The following UEVLD variants were observed in gnomAD, a reference collection of about 807,000 sequenced individuals.
The protein encoded by UEVLD is UEV and lactate/malate dehyrogenase domains, also known as ubiquitin-conjugating enzyme E2 variant 3.
In UEVLD, 47 loss-of-function variants were observed where a neutral mutation model predicts 58.6. That is an observed-to-expected ratio of 0.80 (90% CI 0.63 to 1.02). The LOEUF (loss-of-function observed/expected upper bound fraction) is 1.02. UEVLD is among the 50% of genes least tolerant of loss of function. The probability of loss-of-function intolerance (pLI) is 0.00; values close to 1 mark genes in which losing one functional copy is unlikely to be tolerated. For missense variants in UEVLD, 510 were observed against 550.6 expected, an observed-to-expected ratio of 0.93 and a Z score of 0.74; for synonymous variants, 197 against 195.3, an observed-to-expected ratio of 1.01 and a Z score of -0.07.
Position 18,532,427 on chromosome 11 carries a change from C to T in UEVLD, c.1309G>A (p.Gly437Arg), listed in dbSNP as rs952172110. 4.3e-6 allele frequency: 7 copies of T among 1,613,070 alleles called. No individual in the cohort carries two copies. Among genetic ancestry groups the T allele is most frequent in the Non-Finnish European group, 5.9e-6 (7 of 1,179,592 alleles). ...GTGGTTTTGATAACTTCAGATACTC[C>T]ATTGGTTCCAAGGATGCAAGGCAAA... ...LSLPCILGTN[G>R]VSEVIKTTLK... The change falls in exon 12 of 12, where the codon GGA (glycine) becomes AGA (arginine). Residue 437 changes from glycine to arginine, a missense_variant. Coordinates refer to ENST00000396197, the MANE Select transcript of UEVLD (RefSeq NM_001040697.4).
At position 18,534,371 on chromosome 11, in the gene UEVLD, TTACAA is replaced by T. The variant is rs1191667745; in HGVS notation, c.1202_1206del (p.Ile401LysfsTer3). 1 of 1,570,052 alleles carries T rather than the reference TTACAA, an allele frequency of 6.4e-7. No individual in the cohort carries two copies. Among genetic ancestry groups the T allele is most frequent in the South Asian group, 1.2e-5 (1 of 81,250 alleles). Reference sequence around the variant, plus strand: ...ACAGAATGCACTTTCTTCTTATTGTTTACAATACTGTCAACCATGTCAGCTACTGA... The same window carrying T: ...ACAGAATGCACTTTCTTCTTATTGTTTACTGTCAACCATGTCAGCTACTGA... On this transcript the variant is annotated frameshift_variant, in exon 11 of 12. Coordinates refer to ENST00000396197, the MANE Select transcript of UEVLD (RefSeq NM_001040697.4). LOFTEE classifies it high-confidence loss of function.
chr11:18,570,457 A>C, intron 3 of UEVLD, 80 bp from the exon 4 acceptor site: 1 of 1,321,768 alleles, frequency 7.6e-7, no homozygotes, highest in Admixed American at 3.3e-5. Flanking sequence ...CATTTTAAGA[A>C]ATGAGTAGGC....
intron 10 of UEVLD, among the ~76,000 whole-genome samples, chr11:18,536,073 G>T (rs929876430): frequency 2.0e-5 from 3 of 152,226 alleles, no homozygotes; most frequent in Non-Finnish European, 4.4e-5. Flanking sequence ...GGCGGAGGCT[G>T]CAGTGAGCCG....
chr11:18,585,171 G>A (rs1424337252), intron 1 of UEVLD, among the ~76,000 whole-genome samples: 3 of 152,140 alleles, frequency 2.0e-5, no homozygotes, highest in Non-Finnish European at 4.4e-5. Context: ...GATTACAGGT[G>A]TGAGCCACCA....
At chr11:18,566,514 A>G (rs763875774) in intron 4 of UEVLD, 32 bp from the exon 5 acceptor site, 1 of 1,605,828 alleles carries the variant, frequency 6.2e-7, no homozygotes, top group African/African-American at 1.3e-5. Flanking sequence ...GAAAAGTTAC[A>G]CAAAAATTTT....
At chr11:18,554,160 C>T (rs1359688374) in intron 7 of UEVLD, among the ~76,000 whole-genome samples, 2 of 152,060 alleles carry the variant, frequency 1.3e-5, no homozygotes, top group African/African-American at 2.4e-5. Flanking sequence ...GGCACGATCT[C>T]GGCTCAATGC....
chr11:18,530,142 T>C lies in UEVLD; in HGVS notation c.*2178A>G, dbSNP rs576947112. The C allele has an allele frequency of 9.8e-5, 15 of 152,356 alleles. No homozygotes were observed. Among genetic ancestry groups the C allele is most frequent in the African/African-American group, 3.4e-4 (14 of 41,576 alleles). 9.4% of individuals were successfully genotyped at this position (152,356 alleles called of 1,614,324 possible). A position where few individuals can be genotyped will look rare whatever the true frequency, so the allele number is the denominator to read the frequency against. ...TACATATTATCTAACTTTAATTAGA[T>C]ATCAAATATTAGAAAAGGCTAGTTT... On this transcript the variant is annotated 3_prime_UTR_variant, in exon 12 of 12. Transcript: ENST00000396197.
chr11:18,570,538 G>C (rs1220216773), intron 3 of UEVLD, 161 bp from the exon 4 acceptor site: 2 of 568,842 alleles, frequency 3.5e-6, no homozygotes. Context: ...ATGAGCCCAG[G>C]AGTTTCAGAC....
intron 8 of UEVLD, among the ~76,000 whole-genome samples, chr11:18,545,067 T>C: frequency 2.5e-5 from 1 of 40,178 alleles, no homozygotes; most frequent in African/African-American, 9.3e-5. Flanking sequence ...TCTATATCTA[T>C]ATCTATATTT....
At chr11:18,575,306 CTT>C in intron 3 of UEVLD, 39 bp downstream of exon 3, 1 of 1,571,736 alleles carries the variant, frequency 6.4e-7, no homozygotes, top group African/African-American at 1.4e-5. Context: ...ATGAACTGCT[CTT>C]TTAGAAAACT....
chr11:18,551,359 G>A (rs942840049), intron 7 of UEVLD, among the ~76,000 whole-genome samples: 2 of 136,214 alleles, frequency 1.5e-5, no homozygotes, highest in East Asian at 4.9e-4. Context: ...GGAGGAGGAG[G>A]TTGTAGTGAG....
At position 18,578,744 on chromosome 11, in the gene UEVLD, T is replaced by G; in HGVS notation, c.107A>C (p.Lys36Thr). ...RNVNVFFPHF[K>T]YSMDTYVFKD... Reference sequence around the variant, plus strand: ...CTTACCATAGGTGTCCATGGAATATTTGAAATGTGGGAAAAATACATTTAC... The same window carrying G: ...CTTACCATAGGTGTCCATGGAATATGTGAAATGTGGGAAAAATACATTTAC... The change falls in exon 2 of 12, where the codon AAA becomes ACA. Residue 36 changes from lysine (K) to threonine (T), a missense_variant. Coordinates refer to ENST00000396197, the MANE Select transcript of UEVLD (RefSeq NM_001040697.4). 6.2e-7 allele frequency: 1 copy of G among 1,607,226 alleles called. No homozygotes were observed. The highest frequency in any genetic ancestry group is 8.5e-7 in the Non-Finnish European group (1 of 1,176,262).
chr11:18,540,591 A>G (rs1463928984), intron 9 of UEVLD, among the ~76,000 whole-genome samples: 1 of 152,236 alleles, frequency 6.6e-6, no homozygotes, highest in Admixed American at 6.5e-5. Flanking sequence ...CTTCAGTATC[A>G]GTAATGTTCT....
chr11:18,536,226 T>G (rs1850788775), intron 10 of UEVLD, among the ~76,000 whole-genome samples, 180 bp downstream of exon 10: 1 of 152,256 alleles, frequency 6.6e-6, no homozygotes, highest in African/African-American at 2.4e-5. Context: ...CAAAGCACTC[T>G]TAGATCTACC....
chr11:18,558,900 A>G (rs1213413951), intron 6 of UEVLD, among the ~76,000 whole-genome samples: 2 of 151,896 alleles, frequency 1.3e-5, no homozygotes, highest in South Asian at 2.1e-4. Context: ...TGAGAACAGC[A>G]TTTCACTCTT....
chr11:18,577,236 A>C (rs1852964736), intron 2 of UEVLD, among the ~76,000 whole-genome samples: 1 of 152,172 alleles, frequency 6.6e-6, no homozygotes, highest in Non-Finnish European at 1.5e-5. Context: ...CAAACCAAAA[A>C]ACAAAAAACA....
chr11:18,576,156 T>C (rs1852897639), intron 2 of UEVLD, among the ~76,000 whole-genome samples: 1 of 152,216 alleles, frequency 6.6e-6, no homozygotes, highest in Non-Finnish European at 1.5e-5. Flanking sequence ...TAATTTATAG[T>C]TTAAAACAAA....
rs996675216 is a variant in UEVLD, at chr11:18,559,919, C to A, written c.613-1589G>T. 2.9e-4 allele frequency among the ~76,000 whole-genome samples: 44 copies of A among 151,878 alleles called. 1 individual carries two copies. Among genetic ancestry groups the A allele is most frequent in the Non-Finnish European group, 8.8e-5 (6 of 67,980 alleles). On this transcript the variant is annotated intron_variant, in intron 6 of 11. Transcript: ENST00000396197. ...ATTTTAGGATTCACGGGCAAAAGTACCCAAAGATCTACCAGACTATCAGAC... is the reference window on the plus strand; with the variant it reads ...ATTTTAGGATTCACGGGCAAAAGTAACCAAAGATCTACCAGACTATCAGAC...
At chr11:18,575,806 A>T (rs1009620232) in intron 2 of UEVLD, among the ~76,000 whole-genome samples, 11 of 151,954 alleles carry the variant, frequency 7.2e-5, no homozygotes, top group Non-Finnish European at 1.5e-4. Flanking sequence ...AAACTTAAGA[A>T]GTACTATAAT....
Sources: allele counts gnomAD v4.1 joint callset (sites outside exome capture counted in the v4.1 genomes callset), GRCh38; gene constraint gnomAD v4.1.1; transcripts MANE v1.5; gene names NCBI Gene and HGNC (gene_info 2026-07-23, HGNC 2026-07-21).